Variants in COX7B2 observed in about 807,000 individuals in gnomAD.
COX7B2 encodes the protein cytochrome c oxidase subunit 7B2, mitochondrial.
For missense variants in COX7B2, 109 were observed against 95.9 expected (o/e 1.14, Z -0.57); for synonymous variants, 37 against 32.1 (o/e 1.15, Z -0.51).
At chr4:46,837,791 A>C (rs765450743) in intron 2 of COX7B2, among the ~76,000 whole-genome samples, 23 of 152,200 alleles carry the variant, frequency 1.5e-4, no homozygotes, top group Non-Finnish European at 2.5e-4. Flanking sequence ...GTGTGTTCCT[A>C]TACTGCCTTA....
chr4:46,817,523 T>G (rs528509567), intron 2 of COX7B2, among the ~76,000 whole-genome samples: 45 of 152,354 alleles, frequency 3.0e-4, no homozygotes, highest in African/African-American at 1.1e-3. Flanking sequence ...CTCTAACTTT[T>G]CTGACACCCT....
intron 2 of COX7B2, among the ~76,000 whole-genome samples, chr4:46,784,231 G>C (rs1339491072): frequency 6.6e-6 from 1 of 152,070 alleles, no homozygotes; most frequent in African/African-American, 2.4e-5. Flanking sequence ...AAATCAGGCT[G>C]TGCATTACAA....
chr4:46,855,909 A>G (rs1716983920), intron 1 of COX7B2, among the ~76,000 whole-genome samples: 1 of 152,166 alleles, frequency 6.6e-6, no homozygotes, highest in Non-Finnish European at 1.5e-5. Context: ...CACTGAAATA[A>G]GTCTGGTTTT....
intron 1 of COX7B2, among the ~76,000 whole-genome samples, chr4:46,848,024 T>G (rs548369347): frequency 2.6e-5 from 4 of 152,086 alleles, no homozygotes; most frequent in Admixed American, 6.6e-5. Flanking sequence ...CTAACCACAC[T>G]AGATTTTACA....
At chr4:46,804,348 G>C (rs1313100360) in intron 2 of COX7B2, among the ~76,000 whole-genome samples, 1 of 152,172 alleles carries the variant, frequency 6.6e-6, no homozygotes, top group Non-Finnish European at 1.5e-5. Flanking sequence ...CTGGCAGCCT[G>C]CTTTTATTCT....
At chr4:46,870,658 A>G (rs1162876594) in intron 1 of COX7B2, among the ~76,000 whole-genome samples, 1 of 152,150 alleles carries the variant, frequency 6.6e-6, no homozygotes, top group Non-Finnish European at 1.5e-5. Context: ...ATCAACCTAC[A>G]AAAATCACTA....
intron 1 of COX7B2, among the ~76,000 whole-genome samples, chr4:46,899,436 T>C (rs1394830236): frequency 2.6e-5 from 4 of 152,210 alleles, no homozygotes; most frequent in Non-Finnish European, 5.9e-5. Context: ...TCTCAATTCC[T>C]AGATAGGCAT....
At chr4:46,755,856 G>A (rs1473798670) in intron 2 of COX7B2, among the ~76,000 whole-genome samples, 1 of 151,892 alleles carries the variant, frequency 6.6e-6, no homozygotes, top group Non-Finnish European at 1.5e-5. Flanking sequence ...TGGACTGGAA[G>A]AATCAAAATT....
intron 2 of COX7B2, among the ~76,000 whole-genome samples, chr4:46,747,109 A>G (rs1715065059): frequency 1.3e-5 from 2 of 151,750 alleles, no homozygotes; most frequent in Admixed American, 6.6e-5. Context: ...ATACAAGTAA[A>G]CTCGTGTCAT....
chr4:46,864,895 C>T (rs1251359673), intron 1 of COX7B2, among the ~76,000 whole-genome samples: 1 of 152,166 alleles, frequency 6.6e-6, no homozygotes, highest in Middle Eastern at 3.2e-3. Context: ...CAGCCCGCCT[C>T]AGCCTCCCAA....
At chr4:46,784,287 T>C (rs1217500222) in intron 2 of COX7B2, among the ~76,000 whole-genome samples, 1 of 152,134 alleles carries the variant, frequency 6.6e-6, no homozygotes, top group African/African-American at 2.4e-5. Flanking sequence ...TAAAAAGTAA[T>C]ACTAATTTAA....
chr4:46,744,528 A>G (rs1223398008), intron 2 of COX7B2, among the ~76,000 whole-genome samples: 1 of 151,936 alleles, frequency 6.6e-6, no homozygotes, highest in Admixed American at 6.6e-5. Flanking sequence ...TTTATTAATT[A>G]TATAGACTCT....
At chr4:46,867,283 TC>T (rs1357268586) in intron 1 of COX7B2, among the ~76,000 whole-genome samples, 1 of 152,070 alleles carries the variant, frequency 6.6e-6, no homozygotes, top group Non-Finnish European at 1.5e-5. Context: ...TCTTCTACAA[TC>T]CCTTTAACAT....
At chr4:46,753,088 TTTCAGAGCCTGTTATCGGTCTA>T (rs1339068489) in intron 2 of COX7B2, among the ~76,000 whole-genome samples, 3 of 152,178 alleles carry the variant, frequency 2.0e-5, no homozygotes, top group African/African-American at 7.2e-5. Context: ...ATTGCCTCAA[TTTCAGAGCCTGTTATCGGTCTA>T]TTCAGAGATT....
chr4:46,819,290 T>G (rs1714102450), intron 2 of COX7B2, among the ~76,000 whole-genome samples: 1 of 152,134 alleles, frequency 6.6e-6, no homozygotes, highest in African/African-American at 2.4e-5. Context: ...CCTCATTCAT[T>G]CCCTCTACAG....
At chr4:46,776,840 A>G (rs1717179822) in intron 2 of COX7B2, among the ~76,000 whole-genome samples, 1 of 152,130 alleles carries the variant, frequency 6.6e-6, no homozygotes, top group South Asian at 2.1e-4. Flanking sequence ...GTTCTATCCC[A>G]GAGATTCAGG....
intron 2 of COX7B2, among the ~76,000 whole-genome samples, chr4:46,827,758 ATG>A (rs1014808024): frequency 2.6e-5 from 4 of 152,122 alleles, no homozygotes; most frequent in African/African-American, 4.8e-5. Context: ...GTATGTGTGA[ATG>A]TGTGTGTGTC....
intron 2 of COX7B2, among the ~76,000 whole-genome samples, chr4:46,749,325 C>G (rs189697816): frequency 3.9e-4 from 60 of 152,114 alleles, no homozygotes; most frequent in African/African-American, 1.4e-3. Flanking sequence ...TTTTCTCTAT[C>G]CAAAATGTCT....
chr4:46,863,297 T>A (rs1338757808), intron 1 of COX7B2, among the ~76,000 whole-genome samples: 1 of 152,164 alleles, frequency 6.6e-6, no homozygotes, highest in African/African-American at 2.4e-5. Context: ...CAGGGTCTTG[T>A]ATGCTGAATT....
Sources: gnomAD v4.1 joint callset for allele counts (sites outside exome capture counted in the v4.1 genomes callset) on GRCh38, gnomAD v4.1.1 for gene constraint, MANE v1.5 for transcripts, NCBI Gene and HGNC (gene_info 2026-07-23, HGNC 2026-07-21) for gene names.